The following VPS54 variants were observed in gnomAD, a reference collection of about 807,000 sequenced individuals.
VPS54 encodes the protein VPS54 subunit of GARP complex, also known as vacuolar protein sorting-associated protein 54.
In VPS54, 45 loss-of-function variants were observed where a neutral mutation model predicts 121.5. The ratio of observed to expected loss-of-function variants is 0.37; its 90% CI spans 0.29 to 0.47. The LOEUF (loss-of-function observed/expected upper bound fraction) is 0.47, where lower values mean the gene tolerates loss of function less well. Ranked by LOEUF, VPS54 falls within the 20% of genes least tolerant of loss-of-function variation. The probability of loss-of-function intolerance (pLI) is 0.99; values close to 1 mark genes in which losing one functional copy is unlikely to be tolerated. For synonymous variants in VPS54, 371 were observed against 385.8 expected, an observed-to-expected ratio of 0.96 and a Z score of 0.45; for missense variants, 1,090 against 1,131.4, an observed-to-expected ratio of 0.96 and a Z score of 0.52.
chr2:63,927,565 A>G (rs1381748452), intron 12 of VPS54, among the ~76,000 whole-genome samples: 2 of 152,248 alleles, frequency 1.3e-5, no homozygotes, highest in Non-Finnish European at 2.9e-5. Context: ...AAACCAGAGT[A>G]GAAATGCTGA....
intron 12 of VPS54, among the ~76,000 whole-genome samples, chr2:63,922,884 T>G (rs145850402): frequency 1.1e-3 from 171 of 150,886 alleles, no homozygotes; most frequent in Middle Eastern, 6.8e-3. Context: ...ATCCTACCAA[T>G]TCACAAAAAT....
intron 1 of VPS54, among the ~76,000 whole-genome samples, chr2:63,992,293 GA>G (rs1327706521): frequency 6.6e-6 from 1 of 152,140 alleles, no homozygotes; most frequent in Admixed American, 6.5e-5. Flanking sequence ...CACATTCAAG[GA>G]AAAAAGTTTG....
At chr2:63,917,068 C>G in intron 15 of VPS54, 105 bp from the exon 16 acceptor site, 1 of 1,106,002 alleles carries the variant, frequency 9.0e-7, no homozygotes, top group Non-Finnish European at 1.3e-6. Flanking sequence ...ACTCTCATTT[C>G]TGAAAATAAA....
Position 63,944,652 on chromosome 2 carries a change from C to A in VPS54, c.1249G>T (p.Val417Leu). The change falls in exon 10 of 23, where the codon GTG (valine) becomes TTG (leucine). Residue 417 changes from valine (V) to leucine (L), a missense_variant. Val to Leu is a conservative substitution (Grantham distance 32). This residue lies in a region of VPS54 where 801 missense variants were observed against 757.0 expected (regional missense o/e 1.06). Coordinates refer to ENST00000272322, the MANE Select transcript of VPS54 (RefSeq NM_016516.3). ...TCTGTTTGTGAAACTTTATTAATCA[C>A]ACACTGCAAAATTTAAGAAAAAACA... ...ITAKNIIKQC[V>L]INKVSQTEEI... 6.2e-7 allele frequency: 1 copy of A among 1,607,996 alleles called. No individual in the cohort carries two copies. Among genetic ancestry groups the A allele is most frequent in the Non-Finnish European group, 8.5e-7 (1 of 1,177,772 alleles).
At chr2:63,973,791 C>T (rs1353321107) in intron 3 of VPS54, among the ~76,000 whole-genome samples, 1 of 152,112 alleles carries the variant, frequency 6.6e-6, no homozygotes, top group Non-Finnish European at 1.5e-5. Context: ...GTGATTCTTC[C>T]ACCTCCACCT....
At chr2:63,908,262 C>A (rs930921627) in intron 20 of VPS54, among the ~76,000 whole-genome samples, 1 of 152,006 alleles carries the variant, frequency 6.6e-6, no homozygotes, top group Non-Finnish European at 1.5e-5. Flanking sequence ...CTGACACATG[C>A]TGTAACATCC....
intron 12 of VPS54, among the ~76,000 whole-genome samples, chr2:63,929,114 A>G (rs1471841940): frequency 6.6e-6 from 1 of 152,214 alleles, no homozygotes; most frequent in Non-Finnish European, 1.5e-5. Context: ...AACACGACAG[A>G]AAATTAACAA....
Position 63,964,076 on chromosome 2 carries a change from T to C in VPS54, c.625-1633A>G, listed in dbSNP as rs565839082. Among the ~76,000 whole-genome samples, 6 of 152,292 alleles carry C rather than the reference T, an allele frequency of 3.9e-5. 1 individual carries two copies. The East Asian group carries it at 1.2e-3, about 29-fold the overall frequency. On this transcript the variant is annotated intron_variant, in intron 6 of 22. Coordinates refer to ENST00000272322, the MANE Select transcript of VPS54 (RefSeq NM_016516.3). ...AATAGAATACAAATTTCTTTAATTC[T>C]AGTTATAGCATCCTTGCTCTTAAAA...
intron 12 of VPS54, among the ~76,000 whole-genome samples, chr2:63,927,045 A>G (rs1211763493): frequency 6.6e-6 from 1 of 152,188 alleles, no homozygotes; most frequent in East Asian, 1.9e-4. Context: ...AGCAATGCCT[A>G]CTGCCTCTCT....
chr2:63,935,162 G>A (rs1674394606), intron 11 of VPS54, among the ~76,000 whole-genome samples: 1 of 152,130 alleles, frequency 6.6e-6, no homozygotes, highest in South Asian at 2.1e-4. Context: ...ACCTCTTTAT[G>A]AAAGACCTTA....
rs372263623 is a variant in VPS54 at position 63,912,521 on chromosome 2, A to G, written c.2544+19T>C. The G allele has an allele frequency of 1.2e-6, 2 of 1,612,014 alleles. No homozygotes were observed. The highest frequency in any genetic ancestry group is 1.7e-6 in the Non-Finnish European group (2 of 1,179,428). On this transcript the variant is annotated intron_variant, in intron 19 of 22. Transcript: ENST00000272322. ...ATCTAAACTTATGAAACGCCAATAG[A>G]AAATATATGAAAAAGTACCTTAGTG...
intron 20 of VPS54, among the ~76,000 whole-genome samples, chr2:63,902,967 A>G (rs1241742820): frequency 7.0e-6 from 1 of 143,176 alleles, no homozygotes; most frequent in East Asian, 2.0e-4. Context: ...GACTGTCTCA[A>G]AAAATAACAT....
In VPS54 at chr2:63,949,718, G is replaced by A. The variant is rs573404923; in HGVS notation, c.1011-555C>T. On this transcript the variant is annotated intron_variant, in intron 7 of 22. Coordinates refer to ENST00000272322, the MANE Select transcript of VPS54 (RefSeq NM_016516.3). ...TTGCTATCTTAAGGGTGGCAGAGGA[G>A]GTGGAAGTGGAGGCAGAAGAGGCAG... Among the ~76,000 whole-genome samples the A allele has an allele frequency of 4.5e-4, 69 of 152,272 alleles. 1 individual carries two copies. The highest frequency in any genetic ancestry group is 1.6e-3 in the African/African-American group (65 of 41,552).
intron 1 of VPS54, among the ~76,000 whole-genome samples, chr2:63,997,600 A>T (rs1677660424): frequency 6.6e-6 from 1 of 151,672 alleles, no homozygotes; most frequent in Non-Finnish European, 1.5e-5. Flanking sequence ...GTCTGGCAAA[A>T]GATGTGTCAG....
At chr2:63,907,458 C>T (rs998210733) in intron 20 of VPS54, among the ~76,000 whole-genome samples, 18 of 147,950 alleles carry the variant, frequency 1.2e-4, no homozygotes, top group African/African-American at 7.5e-5. Flanking sequence ...GCGGAGGTTG[C>T]GGTGAGCTGA....
Position 63,917,327 on chromosome 2 carries a change from C to T in VPS54, c.2165-364G>A, listed in dbSNP as rs139176729. On this transcript the variant is annotated intron_variant, in intron 15 of 22. Coordinates refer to ENST00000272322, the MANE Select transcript of VPS54 (RefSeq NM_016516.3). Reference sequence around the variant, plus strand: ...TTAGGGCTGGCACAAGGTAAATGATCAGCAAATAGTTTTTTAAAAAGTTAT... The same window carrying T: ...TTAGGGCTGGCACAAGGTAAATGATTAGCAAATAGTTTTTTAAAAAGTTAT... 1.3e-5 allele frequency among the ~76,000 whole-genome samples: 2 copies of T among 152,142 alleles called. 1 individual carries two copies. Among genetic ancestry groups the T allele is most frequent in the African/African-American group, 4.8e-5 (2 of 41,536 alleles).
rs1488107709 is a variant in VPS54 at position 63,892,330 on chromosome 2, T to G, written c.*1100A>C. The G allele has an allele frequency of 6.6e-6, 1 of 152,124 alleles. No individual in the cohort carries two copies. Among genetic ancestry groups the G allele is most frequent in the East Asian group, 1.9e-4 (1 of 5,200 alleles). 9.4% of individuals were successfully genotyped at this position (152,124 alleles called of 1,614,324 possible). On this transcript the variant is annotated 3_prime_UTR_variant, in exon 23 of 23. Transcript: ENST00000272322. ...ACTCTGACAGGGTTAGGCAAGATTC[T>G]TGGTGTGAGGTGAAGCACAGGCACT...
intron 1 of VPS54, among the ~76,000 whole-genome samples, chr2:63,996,779 C>T (rs997121972): frequency 1.3e-5 from 2 of 152,152 alleles, no homozygotes; most frequent in Non-Finnish European, 2.9e-5. Flanking sequence ...CTGCAGCACC[C>T]CCAGGCTTAT....
intron 11 of VPS54, among the ~76,000 whole-genome samples, chr2:63,936,352 T>C (rs1454326548): frequency 6.9e-6 from 1 of 144,980 alleles, no homozygotes; most frequent in Non-Finnish European, 1.6e-5. Context: ...GATTTTAAAA[T>C]ACATAATACT....
Sources: allele counts gnomAD v4.1 joint callset (sites outside exome capture counted in the v4.1 genomes callset), GRCh38; gene constraint gnomAD v4.1.1; regional missense constraint gnomAD v4.1.1; transcripts MANE v1.5; gene names NCBI Gene and HGNC (gene_info 2026-07-23, HGNC 2026-07-21).